The following PAGE4 variants were observed in gnomAD, a reference collection of about 807,000 sequenced individuals.
PAGE4 encodes P antigen family member 4.
Under a neutral mutation model 8.5 loss-of-function variants are expected in PAGE4, and 1 was observed. The ratio of observed to expected loss-of-function variants is 0.12; its 90% CI spans 0.04 to 0.56. The LOEUF (loss-of-function observed/expected upper bound fraction) is 0.56. Among genes scored for constraint, PAGE4 ranks in the 20% least tolerant of loss-of-function variants. PAGE4 has a pLI of 0.91. For missense variants in PAGE4, 93 were observed against 82.7 expected, an observed-to-expected ratio of 1.13 and a Z score of -0.49; for synonymous variants, 26 against 26.3, an observed-to-expected ratio of 0.99 and a Z score of 0.04.
chrX:49,831,897 G>T (rs1557156657), intron 3 of PAGE4, among the ~76,000 whole-genome samples: 1 of 111,723 alleles, frequency 9.0e-6, no homozygotes, highest in Non-Finnish European at 1.9e-5. Context: ...CTAATATATA[G>T]TCCATTGCAG....
In PAGE4 at chrX:49,830,471, G is replaced by T; in HGVS notation, c.43G>T (p.Gly15Cys). 1 of 1,203,927 alleles carries T rather than the reference G, an allele frequency of 8.3e-7. No homozygotes were observed. Among genetic ancestry groups the T allele is most frequent in the Non-Finnish European group, 1.1e-6 (1 of 889,872 alleles). The change falls in exon 2 of 5, where the codon GGT (glycine) becomes TGT (cysteine). Residue 15 changes from glycine to cysteine, a missense_variant. Transcript: ENST00000218068. Reference sequence around the variant, plus strand: ...ATCAAGATCCAGAGGAAGAGGAGATGGTCAGGAGGCTCCCGATGTGGTTGC... The same window carrying T: ...ATCAAGATCCAGAGGAAGAGGAGATTGTCAGGAGGCTCCCGATGTGGTTGC... Reference protein sequence around the residue: ...VRSRSRGRGDGQEAPDVVAFV... With the variant: ...VRSRSRGRGDCQEAPDVVAFV...
At chrX:49,832,181 TGTACTAA>T (rs1388498879) in intron 3 of PAGE4, among the ~76,000 whole-genome samples, 1 of 111,814 alleles carries the variant, frequency 8.9e-6, no homozygotes, top group African/African-American at 3.2e-5. Context: ...TGCCGGGTAA[TGTACTAA>T]GTGCTGAGGA....
rs543109136 is a variant in PAGE4, at chrX:49,830,073, G to T, written c.-30-326G>T. The T allele has an allele frequency of 1.9e-4, 25 of 131,214 alleles. No homozygotes were observed. The South Asian group carries it at 5.1e-3, about 27-fold the overall frequency. The allele number at this position is 131,214 out of a possible 1,213,427, so 10.8% of individuals were successfully genotyped here. ...AAACTGCCGAAAGAGGACAGGTTTCGGAGTTCTCAGTGGGGACCTGGGGAG... is the reference window on the plus strand; with the variant it reads ...AAACTGCCGAAAGAGGACAGGTTTCTGAGTTCTCAGTGGGGACCTGGGGAG... On this transcript the variant is annotated intron_variant, in intron 1 of 4. Transcript: ENST00000218068.
At chrX:49,830,537 G>T in intron 2 of PAGE4, 31 bp downstream of exon 2, 2 of 1,004,525 alleles carry the variant, frequency 2.0e-6, no homozygotes, top group East Asian at 3.2e-5. Flanking sequence ...TATTTCCATT[G>T]GCAGAAATGT....
intron 3 of PAGE4, among the ~76,000 whole-genome samples, chrX:49,831,900 C>A (rs1557156661): frequency 9.0e-6 from 1 of 111,606 alleles, no homozygotes; most frequent in Non-Finnish European, 1.9e-5. Flanking sequence ...ATATATAGTC[C>A]ATTGCAGTTT....
rs565436958 is a variant in PAGE4, at chrX:49,833,596, G to A, written c.293-250G>A. On this transcript the variant is annotated intron_variant, in intron 4 of 4. Coordinates refer to ENST00000218068, the MANE Select transcript of PAGE4 (RefSeq NM_007003.4). ...CCTCTACTTAAAATGATCTTTAAAT[G>A]GGCTCATAGCATTTAATCTGTTCTG... Among the ~76,000 whole-genome samples the A allele has an allele frequency of 5.4e-4, 60 of 111,819 alleles. 2 individuals carry two copies. The South Asian group carries it at 0.021, about 39-fold the overall frequency.
chrX:49,831,063 G>A lies in PAGE4; in HGVS notation c.145G>A (p.Glu49Lys), dbSNP rs1557156540. The A allele has an allele frequency of 1.7e-6, 2 of 1,182,448 alleles. No homozygotes were observed. Among genetic ancestry groups the A allele is most frequent in the African/African-American group, 1.8e-5 (1 of 57,009 alleles). Residue 49 changes from glutamate to lysine, a missense_variant, in exon 3 of 5, where the codon GAA becomes AAA. Coordinates refer to ENST00000218068, the MANE Select transcript of PAGE4 (RefSeq NM_007003.4). ...NQDIEPGQER[E>K]GTPPIEERKV... ...GGATATTGAACCTGGACAAGAGAGA[G>A]AAGGAACACCTCCGATCGAAGGTGA...
intron 3 of PAGE4, 57 bp downstream of exon 3, chrX:49,831,141 A>G (rs1391268999): frequency 1.3e-6 from 1 of 782,304 alleles, no homozygotes; most frequent in Non-Finnish European, 1.9e-6. Context: ...TACTAGTAAC[A>G]GGAATAAATA....
chrX:49,831,130 A>G (rs782072344), intron 3 of PAGE4, 46 bp downstream of exon 3: 10 of 847,145 alleles, frequency 1.2e-5, no homozygotes, highest in Non-Finnish European at 1.7e-5. Context: ...GTATGATTTT[A>G]TACTAGTAAC....
In PAGE4 at chrX:49,834,046, G is replaced by A. The variant is rs1252720528; in HGVS notation, c.*184G>A. ...AATGGTATCTTTAAAAAATCCTTGT[G>A]TTCTGTTTAGAGCTGGTATATATTT... On this transcript the variant is annotated 3_prime_UTR_variant, in exon 5 of 5. Transcript: ENST00000218068. 7.1e-6 allele frequency: 3 copies of A among 422,619 alleles called. No individual in the cohort carries two copies. The highest frequency in any genetic ancestry group is 1.2e-5 in the Non-Finnish European group (3 of 240,315). 34.8% of individuals were successfully genotyped at this position (422,619 alleles called of 1,213,427 possible).
At chrX:49,830,159 A>G in intron 1 of PAGE4, 1 of 259,535 alleles carries the variant, frequency 3.9e-6, no homozygotes. Flanking sequence ...TAGTTATGAA[A>G]TTAAGTCTCT....
intron 3 of PAGE4, among the ~76,000 whole-genome samples, chrX:49,831,820 A>G (rs1557156644): frequency 8.9e-6 from 1 of 112,335 alleles, no homozygotes; most frequent in Non-Finnish European, 1.9e-5. Context: ...TGCTAAAAAT[A>G]TGGATAATCT....
intron 3 of PAGE4, 49 bp from the exon 4 acceptor site, chrX:49,832,476 T>C (rs782797548): frequency 3.4e-6 from 3 of 880,830 alleles, no homozygotes; most frequent in Non-Finnish European, 4.8e-6. Flanking sequence ...ATAACACTAA[T>C]TTATAATTTA....
At chrX:49,832,300 A>G (rs1409240858) in intron 3 of PAGE4, among the ~76,000 whole-genome samples, 2 of 111,870 alleles carry the variant, frequency 1.8e-5, no homozygotes, top group African/African-American at 6.5e-5. Flanking sequence ...TAACAGAAGT[A>G]TATGTAGATT....
intron 2 of PAGE4, 121 bp downstream of exon 2, chrX:49,830,627 G>A: frequency 2.1e-6 from 1 of 484,636 alleles, no homozygotes; most frequent in Non-Finnish European, 3.5e-6. Flanking sequence ...GAAAATAGTT[G>A]CAAACTAAAT....
rs782449777 is a variant in PAGE4 at position 49,832,779 on chromosome X, T to C, written c.292+129T>C. ...CACCAAATACTTGATTCAAAGACAG[T>C]GTCAGGGGAAAAATGAATTAGGTCA... On this transcript the variant is annotated intron_variant, in intron 4 of 4. Coordinates refer to ENST00000218068, the MANE Select transcript of PAGE4 (RefSeq NM_007003.4). 96 of 554,715 alleles carry C rather than the reference T, an allele frequency of 1.7e-4. No individual in the cohort carries two copies. In the African/African-American group the frequency reaches 2.1e-3, roughly 12 times the overall value. The allele number at this position is 554,715 out of a possible 1,213,427, so 45.7% of individuals were successfully genotyped here.
intron 1 of PAGE4, 93 bp downstream of exon 1, chrX:49,829,444 G>T (rs963297468): frequency 5.3e-5 from 6 of 112,476 alleles, no homozygotes; most frequent in African/African-American, 1.6e-4. Flanking sequence ...GGGCCTCGAG[G>T]TCATCATCCT....
intron 4 of PAGE4, among the ~76,000 whole-genome samples, chrX:49,833,195 T>A (rs1923530794): frequency 9.0e-6 from 1 of 111,643 alleles, no homozygotes; most frequent in African/African-American, 3.3e-5. Flanking sequence ...ATATCTGGCC[T>A]CCAACCATGT....
At chrX:49,833,069 T>A (rs1224756767) in intron 4 of PAGE4, among the ~76,000 whole-genome samples, 3 of 112,125 alleles carry the variant, frequency 2.7e-5, no homozygotes, top group African/African-American at 9.7e-5. Context: ...GTTGATTTTT[T>A]AAAAAACTGT....
Sources: gnomAD v4.1 joint callset for allele counts (sites outside exome capture counted in the v4.1 genomes callset) on GRCh38, gnomAD v4.1.1 for gene constraint, MANE v1.5 for transcripts, NCBI Gene and HGNC (gene_info 2026-07-23, HGNC 2026-07-21) for gene names.